MCFD2: variants seen among roughly 807,000 people sequenced by gnomAD.
MCFD2 encodes the protein multiple coagulation factor deficiency protein 2.
MCFD2 carries 11 observed loss-of-function variants against 12.8 expected under a neutral mutation model. The observed-to-expected ratio is 0.86, with a 90% CI of 0.54 to 1.42. The LOEUF (loss-of-function observed/expected upper bound fraction) is 1.42. MCFD2 is among the 40% of genes most tolerant of loss of function. The pLI, the probability that MCFD2 is intolerant of heterozygous loss-of-function variation, is 0.00. For missense variants in MCFD2, 191 were observed against 178.6 expected (o/e 1.07, Z -0.40); for synonymous variants, 70 against 68.1 (o/e 1.03, Z -0.14).
chr2:46,902,253 G>T lies in MCFD2; in HGVS notation c.*3210C>A, dbSNP rs1485264201. On this transcript the variant is annotated 3_prime_UTR_variant, in exon 4 of 4. Transcript: ENST00000319466. ...TTTCTAATCTTTCCTGATTTGAAAA[G>T]AATCCATGTATCTAGGCTAAAAGAG... is the stretch of plus-strand genomic sequence containing the variant. 6.6e-6 allele frequency: 1 copy of T among 152,588 alleles called. No homozygotes were observed. The highest frequency in any genetic ancestry group is 1.5e-5 in the Non-Finnish European group (1 of 68,026). 9.5% of individuals were successfully genotyped at this position (152,588 alleles called of 1,614,324 possible). A position where few individuals can be genotyped will look rare whatever the true frequency, so the allele number is the denominator to read the frequency against.
upstream of MCFD2, chr2:46,915,903 G>A (rs973348423): frequency 1.6e-5 from 16 of 984,960 alleles, no homozygotes; most frequent in Non-Finnish European, 1.9e-5. Context: ...GCGGCGGCGG[G>A]CTGTGAGGAC....
chr2:46,934,066 G>C (rs992995176), intron 1 of MCFD2, among the ~76,000 whole-genome samples: 2 of 152,168 alleles, frequency 1.3e-5, no homozygotes, highest in Non-Finnish European at 2.9e-5. Flanking sequence ...AAGGCGAGGA[G>C]AATGTCATAA....
chr2:46,912,316 G>T (rs192500465), intron 1 of MCFD2, among the ~76,000 whole-genome samples: 115 of 152,350 alleles, frequency 7.5e-4, no homozygotes, highest in African/African-American at 2.6e-3. Flanking sequence ...TCCAGCCTGG[G>T]CAAGAGAGTG....
chr2:46,928,005 CA>C (rs1304059738), intron 1 of MCFD2, among the ~76,000 whole-genome samples: 1 of 150,700 alleles, frequency 6.6e-6, no homozygotes, highest in African/African-American at 2.4e-5. Flanking sequence ...GTGATCCTCC[CA>C]CCTCTGCCTC....
At position 46,909,066 on chromosome 2, in the gene MCFD2, G is replaced by C. The variant is rs756021929; in HGVS notation, c.106C>G (p.Pro36Ala). Residue 36 changes from proline to alanine, a missense_variant, in exon 2 of 4, where the codon CCC becomes GCC. Coordinates refer to ENST00000319466, the MANE Select transcript of MCFD2 (RefSeq NM_139279.6). ...TTCTTATCCAGGCCCATGCTGCCGG[G>C]TTGGGAGAAGCTGGCTGCAGGCTCC... The part of the protein sequence containing the change: ...AEEPAASFSQ[P>A]GSMGLDKNTV... The C allele has an allele frequency of 4.2e-5, 68 of 1,614,134 alleles. No homozygotes were observed. Among genetic ancestry groups the C allele is most frequent in the Non-Finnish European group, 5.5e-5 (65 of 1,180,054 alleles).
intron 1 of MCFD2, among the ~76,000 whole-genome samples, chr2:46,936,245 GCTA>G (rs1361027812): frequency 2.0e-5 from 3 of 151,954 alleles, no homozygotes; most frequent in Admixed American, 2.0e-4. Context: ...TACTAACAAC[GCTA>G]CTACTTGTCT....
At chr2:46,911,610 C>A (rs948145992) in intron 1 of MCFD2, among the ~76,000 whole-genome samples, 20 of 152,086 alleles carry the variant, frequency 1.3e-4, no homozygotes, top group Middle Eastern at 3.4e-3. Flanking sequence ...CAAAGATTAT[C>A]TTGAGACATG....
intron 1 of MCFD2, among the ~76,000 whole-genome samples, chr2:46,921,842 G>A (rs2103805346): frequency 6.6e-6 from 1 of 152,218 alleles, no homozygotes; most frequent in South Asian, 2.1e-4. Flanking sequence ...TCGCGTTCCT[G>A]TGAGAATCTC....
At chr2:46,922,583 C>T (rs180917502) in intron 1 of MCFD2, among the ~76,000 whole-genome samples, 1 of 152,114 alleles carries the variant, frequency 6.6e-6, no homozygotes, top group African/African-American at 2.4e-5. Context: ...TACAGCTTTA[C>T]TGTGTTTCTC....
chr2:46,916,341 C>T (rs1668788708), upstream of MCFD2: 1 of 220,342 alleles, frequency 4.5e-6, no homozygotes, highest in Non-Finnish European at 7.7e-6. Flanking sequence ...CAAGCTGCGG[C>T]AGCCGCTGTC....
At chr2:46,923,313 A>C (rs564227883) in intron 1 of MCFD2, among the ~76,000 whole-genome samples, 13 of 152,270 alleles carry the variant, frequency 8.5e-5, no homozygotes, top group Non-Finnish European at 1.6e-4. Flanking sequence ...AAGAGTCCCA[A>C]CCTTCTAATC....
chr2:46,936,289 A>G (rs1669973629), intron 1 of MCFD2, among the ~76,000 whole-genome samples: 1 of 152,176 alleles, frequency 6.6e-6, no homozygotes, highest in East Asian at 1.9e-4. Context: ...TTTGTTGTGC[A>G]TCTGTAAGAG....
chr2:46,905,695 T>TAAAA (rs59068176), intron 3 of MCFD2, 101 bp from the exon 4 acceptor site: 7,577 of 501,504 alleles, frequency 0.015, 3 homozygotes, highest in South Asian at 0.025. Context: ...CACTGTTTAT[T>TAAAA]AAAAAAAAAA....
rs1416232490 is a variant in MCFD2 at position 46,937,730 on chromosome 2, GCCTGGCCCAACAGTGATTTCAAAGGC to G, written c.-8+3816_-8+3841del. Among the ~76,000 whole-genome samples the G allele has an allele frequency of 6.6e-6, 1 of 152,216 alleles. No individual in the cohort carries two copies. The highest frequency in any genetic ancestry group is 1.5e-5 in the Non-Finnish European group (1 of 68,032). The stretch of plus-strand genomic sequence containing the variant: ...TAGGATTATAGGCACGAGCTGCCAT[GCCTGGCCCAACAGTGATTTCAAAGGC>G]CATGGATTGCATAGGAAGCTGAAGG... On this transcript the variant is annotated intron_variant, in intron 1 of 2. Transcript: ENST00000409147. The surrounding 1 kb of genome is among the most constrained non-coding windows in gnomAD (Gnocchi z 4.0).
At chr2:46,928,684 G>A (rs1252223554) in intron 1 of MCFD2, among the ~76,000 whole-genome samples, 3 of 151,894 alleles carry the variant, frequency 2.0e-5, no homozygotes, top group Non-Finnish European at 4.4e-5. Flanking sequence ...GTTGGAGGAT[G>A]GCTTGAACAC....
intron 3 of MCFD2, 140 bp from the exon 4 acceptor site, chr2:46,905,734 A>C: frequency 2.2e-6 from 2 of 895,632 alleles, no homozygotes; most frequent in Non-Finnish European, 3.5e-6. Context: ...AAAACAACAA[A>C]ATATCCACGC....
intron 1 of MCFD2, among the ~76,000 whole-genome samples, chr2:46,932,420 A>T (rs769549567): frequency 6.6e-6 from 1 of 152,152 alleles, no homozygotes; most frequent in Non-Finnish European, 1.5e-5. Flanking sequence ...AAGTGCTGGG[A>T]TTACAGGCGT....
intron 1 of MCFD2, among the ~76,000 whole-genome samples, chr2:46,934,470 G>A (rs1339336696): frequency 6.6e-6 from 1 of 152,062 alleles, no homozygotes; most frequent in Non-Finnish European, 1.5e-5. Context: ...TGTTGGCCAG[G>A]CTGGTCTTGA....
intron 1 of MCFD2, among the ~76,000 whole-genome samples, chr2:46,934,288 T>G (rs1364901929): frequency 6.6e-6 from 1 of 152,240 alleles, no homozygotes; most frequent in East Asian, 1.9e-4. Context: ...AGACAGAGTC[T>G]TGCTCTGTTG....
Sources: allele counts gnomAD v4.1 joint callset (sites outside exome capture counted in the v4.1 genomes callset), GRCh38; gene constraint gnomAD v4.1.1; non-coding constraint Gnocchi (gnomAD v3.1); transcripts MANE v1.5; gene names NCBI Gene and HGNC (gene_info 2026-07-23, HGNC 2026-07-21).